The following GRIK2 variants were observed in gnomAD, a reference collection of about 807,000 sequenced individuals.
GRIK2 encodes glutamate receptor ionotropic, kainate 2.
A neutral mutation model predicts 100.3 loss-of-function variants in GRIK2; 32 were observed. That is an observed-to-expected ratio of 0.32 (90% CI 0.24 to 0.43). The LOEUF is 0.43. GRIK2 is among the 20% of genes least tolerant of loss of function. GRIK2 has a pLI of 1.00. For synonymous variants in GRIK2, 417 were observed against 389.4 expected, an observed-to-expected ratio of 1.07 and a Z score of -0.83; for missense variants, 843 against 1,114.9, an observed-to-expected ratio of 0.76 and a Z score of 3.47.
At chr6:101,825,423 A>G (rs1369144639) in intron 10 of GRIK2, among the ~76,000 whole-genome samples, 1 of 152,204 alleles carries the variant, frequency 6.6e-6, no homozygotes, top group Non-Finnish European at 1.5e-5. Context: ...GTGGTAGAGA[A>G]AGAAGAAATA....
chr6:101,767,717 T>C (rs1425964396), intron 7 of GRIK2, among the ~76,000 whole-genome samples: 1 of 151,990 alleles, frequency 6.6e-6, no homozygotes, highest in Admixed American at 6.6e-5. Context: ...GGAGCATGGG[T>C]GGTGGGATCT....
chr6:101,566,190 C>G (rs1165805273), intron 2 of GRIK2, among the ~76,000 whole-genome samples: 1 of 151,548 alleles, frequency 6.6e-6, no homozygotes, highest in East Asian at 1.9e-4. Context: ...CCATGTTGTT[C>G]AAGAGCCAAC....
At chr6:101,765,189 G>C (rs578223040) in intron 7 of GRIK2, among the ~76,000 whole-genome samples, 2 of 152,038 alleles carry the variant, frequency 1.3e-5, no homozygotes, top group Non-Finnish European at 2.9e-5. Context: ...GCATGCTATA[G>C]CACCCTGTTC....
At chr6:101,757,247 G>A (rs999637279) in intron 7 of GRIK2, among the ~76,000 whole-genome samples, 2 of 151,926 alleles carry the variant, frequency 1.3e-5, no homozygotes, top group Admixed American at 6.6e-5. Flanking sequence ...TTGGGGTTTA[G>A]GCAACCATTT....
intron 14 of GRIK2, among the ~76,000 whole-genome samples, chr6:101,960,621 G>C (rs1045580058): frequency 6.6e-6 from 1 of 152,044 alleles, no homozygotes; most frequent in Non-Finnish European, 1.5e-5. Context: ...AGATAACCTT[G>C]GTTATAAATA....
chr6:101,581,059 C>T (rs541674298), intron 2 of GRIK2, among the ~76,000 whole-genome samples: 2 of 151,778 alleles, frequency 1.3e-5, no homozygotes, highest in African/African-American at 2.4e-5. Context: ...GGGATTTTTG[C>T]CTTTTTTCAG....
In GRIK2 at chr6:101,990,964, A is replaced by C. The variant is rs1380980159; in HGVS notation, c.2086-44377A>C. On this transcript the variant is annotated intron_variant, in intron 14 of 16. Coordinates refer to ENST00000369134, the MANE Select transcript of GRIK2 (RefSeq NM_021956.5). ...TTACAAGTAAATAATAAATTACATC[A>C]ATAAATATTTATTTACCACAAAAGA... Among the ~76,000 whole-genome samples the C allele has an allele frequency of 2.0e-5, 3 of 151,936 alleles. No homozygotes were observed. In the East Asian group the frequency reaches 5.8e-4, roughly 29 times the overall value.
At chr6:101,690,973 C>G (rs2786254) in intron 7 of GRIK2, among the ~76,000 whole-genome samples, 59,611 of 151,934 alleles carry the variant, frequency 0.39, 14,130 homozygotes, top group African/African-American at 0.66. Flanking sequence ...GCTTTAGTTT[C>G]TTTTTACATC....
chr6:101,713,493 GAA>G (rs1773856461), intron 7 of GRIK2, among the ~76,000 whole-genome samples: 2 of 151,122 alleles, frequency 1.3e-5, no homozygotes, highest in South Asian at 2.1e-4. Context: ...GTTTATCAAA[GAA>G]AAGATTCAAG....
At chr6:101,993,254 C>A (rs969769800) in intron 14 of GRIK2, 2 of 151,426 alleles carry the variant, frequency 1.3e-5, no homozygotes, top group African/African-American at 4.8e-5. Flanking sequence ...CAAAATCTTA[C>A]TGTGTCATTA....
At chr6:101,915,438 T>G (rs993384271) in intron 12 of GRIK2, among the ~76,000 whole-genome samples, 2 of 151,468 alleles carry the variant, frequency 1.3e-5, no homozygotes, top group African/African-American at 2.4e-5. Flanking sequence ...GAAGTGGTAC[T>G]TGCTGAATAT....
Position 101,753,959 on chromosome 6 carries a change from A to T in GRIK2, c.952-45689A>T, listed in dbSNP as rs1299741868. ...ACTTTTAATTAATGTTTTTGAATTA[A>T]TTGAAGCTATCCAATATTGTAATTT... is the stretch of plus-strand genomic sequence containing the variant. On this transcript the variant is annotated intron_variant, in intron 7 of 16. Transcript: ENST00000369134. Among the ~76,000 whole-genome samples, 4 of 152,184 alleles carry T rather than the reference A, an allele frequency of 2.6e-5. No homozygotes were observed. The East Asian group carries it at 7.7e-4, about 29-fold the overall frequency.
chr6:101,426,196 C>T (rs1010168725), intron 2 of GRIK2, among the ~76,000 whole-genome samples: 1 of 152,134 alleles, frequency 6.6e-6, no homozygotes, highest in Admixed American at 6.5e-5. Context: ...TGGAGCCAGA[C>T]CTCTGGGAGT....
chr6:102,035,004 C>A (rs930527453), intron 14 of GRIK2, among the ~76,000 whole-genome samples: 37 of 151,364 alleles, frequency 2.4e-4, no homozygotes, highest in African/African-American at 8.7e-4. Flanking sequence ...AGGTAAGAGA[C>A]AAGCACAAAG....
At chr6:101,987,207 T>G (rs1443799842) in intron 14 of GRIK2, among the ~76,000 whole-genome samples, 1 of 151,786 alleles carries the variant, frequency 6.6e-6, no homozygotes, top group Non-Finnish European at 1.5e-5. Context: ...CTACAAGAGA[T>G]GAATATTATC....
intron 4 of GRIK2, among the ~76,000 whole-genome samples, chr6:101,634,008 T>A (rs192117651): frequency 2.6e-5 from 4 of 152,288 alleles, no homozygotes; most frequent in African/African-American, 9.6e-5. Flanking sequence ...TGGCTCTTTT[T>A]AAAAATCATT....
intron 14 of GRIK2, chr6:101,993,921 G>T (rs1411565923): frequency 2.1e-5 from 3 of 144,314 alleles, no homozygotes; most frequent in African/African-American, 7.8e-5. Context: ...AATATACATT[G>T]TATACAAATA....
chr6:101,734,919 T>G (rs1015633085), intron 7 of GRIK2, among the ~76,000 whole-genome samples: 4 of 152,166 alleles, frequency 2.6e-5, no homozygotes, highest in Admixed American at 2.6e-4. Flanking sequence ...GAGTTCCAGC[T>G]TGATCCAGCT....
At chr6:101,947,838 A>C (rs969654449) in intron 14 of GRIK2, among the ~76,000 whole-genome samples, 1 of 152,194 alleles carries the variant, frequency 6.6e-6, no homozygotes, top group Non-Finnish European at 1.5e-5. Flanking sequence ...GAGCACCTAC[A>C]TCGACACTTT....
Sources: gnomAD v4.1 joint callset for allele counts (sites outside exome capture counted in the v4.1 genomes callset) on GRCh38, gnomAD v4.1.1 for gene constraint, MANE v1.5 for transcripts, NCBI Gene and HGNC (gene_info 2026-07-23, HGNC 2026-07-21) for gene names.